DYM: variants seen among roughly 807,000 people sequenced by gnomAD.
DYM encodes dymeclin, also known as dyggve-Melchior-Clausen syndrome protein.
A neutral mutation model predicts 93.1 loss-of-function variants in DYM; 78 were observed. That is an observed-to-expected ratio of 0.84 (90% CI 0.70 to 1.01). The LOEUF (loss-of-function observed/expected upper bound fraction) is 1.01. Among genes scored for constraint, DYM ranks in the 50% least tolerant of loss-of-function variants. The pLI, the probability that DYM is intolerant of heterozygous loss-of-function variation, is 0.00. For synonymous variants in DYM, 321 were observed against 319.7 expected (o/e 1.00, Z -0.04); for missense variants, 789 against 845.0 (o/e 0.93, Z 0.82).
At chr18:49,389,531 G>A (rs898949122) in intron 3 of DYM, among the ~76,000 whole-genome samples, 16 of 152,018 alleles carry the variant, frequency 1.1e-4, no homozygotes, top group African/African-American at 3.9e-4. Flanking sequence ...GAGTCTTGCT[G>A]TATTGTCCAG....
intron 13 of DYM, among the ~76,000 whole-genome samples, chr18:49,250,180 A>G (rs1335015331): frequency 1.3e-5 from 2 of 152,216 alleles, no homozygotes; most frequent in Non-Finnish European, 2.9e-5. Flanking sequence ...AGAATCAGTC[A>G]CTAACTATTT....
intron 3 of DYM, among the ~76,000 whole-genome samples, chr18:49,380,307 G>A (rs944105322): frequency 2.6e-5 from 4 of 152,124 alleles, no homozygotes; most frequent in Admixed American, 2.6e-4. Flanking sequence ...TTCAGCAACT[G>A]TATCAGGAAT....
At chr18:49,189,464 T>C (rs2090764131) in intron 14 of DYM, among the ~76,000 whole-genome samples, 1 of 152,140 alleles carries the variant, frequency 6.6e-6, no homozygotes, top group Non-Finnish European at 1.5e-5. Flanking sequence ...TCATATTTTA[T>C]CTCCAGAGTA....
chr18:49,050,559 C>T (rs145059073), intron 17 of DYM, among the ~76,000 whole-genome samples: 47 of 152,234 alleles, frequency 3.1e-4, no homozygotes, highest in African/African-American at 1.1e-3. Flanking sequence ...TCCAGCATGG[C>T]AGCTAACTCC....
At chr18:49,428,399 T>C (rs373697132) in intron 2 of DYM, among the ~76,000 whole-genome samples, 4 of 152,250 alleles carry the variant, frequency 2.6e-5, no homozygotes, top group African/African-American at 9.6e-5. Context: ...GTTATTAAAT[T>C]AGTGGCTGGA....
intron 15 of DYM, among the ~76,000 whole-genome samples, chr18:49,125,813 T>C (rs2082767179): frequency 6.6e-6 from 1 of 152,222 alleles, no homozygotes; most frequent in African/African-American, 2.4e-5. Context: ...CCTCATTCTT[T>C]CTATGCAGTA....
intron 6 of DYM, among the ~76,000 whole-genome samples, chr18:49,334,976 G>T (rs1191880577): frequency 6.6e-6 from 1 of 152,040 alleles, no homozygotes; most frequent in Non-Finnish European, 1.5e-5. Context: ...GCATGGTGGC[G>T]GGCACCTGTA....
intron 14 of DYM, among the ~76,000 whole-genome samples, chr18:49,198,350 A>G (rs62102350): frequency 0.05 from 7,564 of 151,284 alleles, 271 homozygotes; most frequent in Middle Eastern, 0.089. Context: ...AACACCAAAA[A>G]CAATGGCAAC....
At chr18:49,261,320 T>C (rs910518305) in intron 11 of DYM, among the ~76,000 whole-genome samples, 1 of 152,196 alleles carries the variant, frequency 6.6e-6, no homozygotes, top group Non-Finnish European at 1.5e-5. Context: ...GAGGCTGGCA[T>C]ATAACAAATA....
At chr18:49,289,066 T>C (rs2059852292) in intron 8 of DYM, among the ~76,000 whole-genome samples, 1 of 152,032 alleles carries the variant, frequency 6.6e-6, no homozygotes, top group Non-Finnish European at 1.5e-5. Context: ...GAAGAGAAAT[T>C]AGGTCAGCAC....
At chr18:49,087,591 G>T (rs1163989708) in intron 17 of DYM, among the ~76,000 whole-genome samples, 2 of 152,160 alleles carry the variant, frequency 1.3e-5, no homozygotes, top group Non-Finnish European at 2.9e-5. Flanking sequence ...TACAAGAAAG[G>T]CCTTTATAGC....
At chr18:49,391,737 A>G (rs983981576) in intron 2 of DYM, 92 bp from the exon 3 acceptor site, 1 of 1,158,502 alleles carries the variant, frequency 8.6e-7, no homozygotes, top group African/African-American at 1.6e-5. Context: ...GATAAGAAAA[A>G]TAATTTAGAA....
chr18:49,229,154 TC>T (rs745666829), intron 13 of DYM, among the ~76,000 whole-genome samples: 1 of 147,126 alleles, frequency 6.8e-6, no homozygotes, highest in Non-Finnish European at 1.5e-5. Flanking sequence ...AACCTAATAA[TC>T]TAATAATTCC....
At chr18:49,213,459 G>A (rs556976767) in intron 13 of DYM, among the ~76,000 whole-genome samples, 1 of 152,162 alleles carries the variant, frequency 6.6e-6, no homozygotes, top group South Asian at 2.1e-4. Flanking sequence ...GGGACTACAG[G>A]CGCATGCCAC....
chr18:49,121,330 A>C (rs571148816), intron 15 of DYM, among the ~76,000 whole-genome samples: 1 of 152,200 alleles, frequency 6.6e-6, no homozygotes, highest in Non-Finnish European at 1.5e-5. Context: ...AGGTTAACAG[A>C]AATTGCACAA....
At chr18:49,122,250 A>G (rs1162399503) in intron 15 of DYM, among the ~76,000 whole-genome samples, 2 of 152,236 alleles carry the variant, frequency 1.3e-5, no homozygotes, top group African/African-American at 4.8e-5. Context: ...TAAAGTTAAT[A>G]GATGCCATCA....
chr18:49,068,990 A>T (rs1464328714), intron 17 of DYM, among the ~76,000 whole-genome samples: 1 of 152,254 alleles, frequency 6.6e-6, no homozygotes, highest in Non-Finnish European at 1.5e-5. Context: ...TGAGAATAGA[A>T]TGTATATTGA....
intron 16 of DYM, among the ~76,000 whole-genome samples, chr18:49,105,452 T>G (rs1031976324): frequency 1.3e-5 from 2 of 152,204 alleles, no homozygotes; most frequent in African/African-American, 4.8e-5. Flanking sequence ...TCTGCTAGCT[T>G]TTGAATGTGT....
intron 17 of DYM, among the ~76,000 whole-genome samples, chr18:49,060,735 GA>G (rs2075909900): frequency 8.3e-6 from 1 of 120,210 alleles, no homozygotes; most frequent in Non-Finnish European, 1.8e-5. Context: ...GAGAGAGGGA[GA>G]GGGAGAAGGA....
Sources: gnomAD v4.1 joint callset for allele counts (sites outside exome capture counted in the v4.1 genomes callset) on GRCh38, gnomAD v4.1.1 for gene constraint, MANE v1.5 for transcripts, NCBI Gene and HGNC (gene_info 2026-07-23, HGNC 2026-07-21) for gene names.